SMYD3: variants seen among roughly 807,000 people sequenced by gnomAD.
SMYD3 encodes the protein SET and MYND domain containing 3.
In SMYD3, 36 loss-of-function variants were observed where a neutral mutation model predicts 57.7. That is an observed-to-expected ratio of 0.62 (90% confidence interval 0.48 to 0.82). The LOEUF is 0.82. Among genes scored for constraint, SMYD3 ranks in the 40% least tolerant of loss-of-function variants. The probability of loss-of-function intolerance (pLI) is 0.00; values close to 1 mark genes in which losing one functional copy is unlikely to be tolerated. For synonymous variants in SMYD3, 211 were observed against 195.0 expected, an observed-to-expected ratio of 1.08 and a Z score of -0.68; for missense variants, 515 against 538.8, an observed-to-expected ratio of 0.96 and a Z score of 0.44.
chr1:245,833,494 G>C (rs1343000854), intron 10 of SMYD3, among the ~76,000 whole-genome samples: 1 of 152,038 alleles, frequency 6.6e-6, no homozygotes, highest in African/African-American at 2.4e-5. Flanking sequence ...ACTAAATGGA[G>C]GTATTTTTGT....
intron 5 of SMYD3, among the ~76,000 whole-genome samples, chr1:246,197,734 T>C (rs550036574): frequency 6.6e-6 from 1 of 152,288 alleles, no homozygotes; most frequent in South Asian, 2.1e-4. Flanking sequence ...AGTACCAGTA[T>C]ATCAATATTG....
chr1:245,995,700 G>C lies in SMYD3; in HGVS notation c.532-65763C>G, dbSNP rs188524090. Among the ~76,000 whole-genome samples, 258 of 152,344 alleles carry C rather than the reference G, an allele frequency of 1.7e-3. 5 individuals carry two copies. The highest frequency in any genetic ancestry group is 1.4e-3 in the East Asian group (7 of 5,182). On this transcript the variant is annotated intron_variant, in intron 5 of 11. Coordinates refer to ENST00000490107, the MANE Select transcript of SMYD3 (RefSeq NM_001167740.2). ...ACTAATGCAGCCTGCAGGGCTGACG[G>C]AGCAGGGGCCTAGGCCCCAGTTCTA...
intron 5 of SMYD3, among the ~76,000 whole-genome samples, chr1:246,058,206 G>A (rs1355728036): frequency 6.6e-6 from 1 of 152,130 alleles, no homozygotes. Context: ...AAGAGTGAAC[G>A]CTAACAGAAG....
intron 5 of SMYD3, among the ~76,000 whole-genome samples, chr1:245,934,233 A>G (rs775888273): frequency 6.6e-6 from 1 of 152,182 alleles, no homozygotes; most frequent in Admixed American, 6.6e-5. Flanking sequence ...GTTTTATTAA[A>G]CCCTGGACAG....
At chr1:246,016,197 T>C (rs1218661030) in intron 5 of SMYD3, among the ~76,000 whole-genome samples, 1 of 124,106 alleles carries the variant, frequency 8.1e-6, no homozygotes, top group Non-Finnish European at 1.8e-5. Flanking sequence ...AGCCCAGGAG[T>C]TCAAGGCCAG....
At chr1:246,079,050 T>C (rs2060594910) in intron 5 of SMYD3, among the ~76,000 whole-genome samples, 1 of 152,040 alleles carries the variant, frequency 6.6e-6, no homozygotes, top group Admixed American at 6.6e-5. Context: ...AAAGCAACTT[T>C]ATTAAGAAAG....
At chr1:246,062,330 A>T (rs917098940) in intron 5 of SMYD3, among the ~76,000 whole-genome samples, 6 of 152,186 alleles carry the variant, frequency 3.9e-5, no homozygotes, top group African/African-American at 9.7e-5. Flanking sequence ...TCTGCGAGAA[A>T]AAACATCCAT....
Position 246,235,056 on chromosome 1 carries a change from T to G in SMYD3, c.531+92145A>C, listed in dbSNP as rs116841664. Among the ~76,000 whole-genome samples, 6 of 152,306 alleles carry G rather than the reference T, an allele frequency of 3.9e-5. No individual in the cohort carries two copies. In the East Asian group the frequency reaches 9.7e-4, roughly 25 times the overall value. On this transcript the variant is annotated intron_variant, in intron 5 of 11. Transcript: ENST00000490107. ...AATCACGTTTTACTTTGCATTAGGT[T>G]CCTATGCTCCTAGTATCAAAACTAG...
At chr1:246,370,709 C>T (rs558932626) in intron 1 of SMYD3, among the ~76,000 whole-genome samples, 1 of 152,306 alleles carries the variant, frequency 6.6e-6, no homozygotes, top group East Asian at 1.9e-4. Context: ...AGAAAAGTTT[C>T]TTCTATATCA....
At chr1:245,942,368 C>A (rs1339051236) in intron 5 of SMYD3, among the ~76,000 whole-genome samples, 1 of 152,020 alleles carries the variant, frequency 6.6e-6, no homozygotes, top group Non-Finnish European at 1.5e-5. Flanking sequence ...CAGCAAAGAT[C>A]AAAAAAGACA....
At chr1:246,302,667 G>A (rs913846715) in intron 5 of SMYD3, among the ~76,000 whole-genome samples, 1 of 152,084 alleles carries the variant, frequency 6.6e-6, no homozygotes. Context: ...CATGCTTCAC[G>A]AAGGGGTGGC....
rs149953934 is a variant in SMYD3 at position 245,947,228 on chromosome 1, CT to C, written c.532-17292del. On this transcript the variant is annotated intron_variant, in intron 5 of 11. Transcript: ENST00000490107. ...GCCACAGAGAGAGAGATATTCTCTC[CT>C]AAGGCAGGCTGCAAAGATAAATCGG... Among the ~76,000 whole-genome samples, 729 of 152,270 alleles carry C rather than the reference CT, an allele frequency of 4.8e-3. 4 individuals are homozygous for C. The highest frequency in any genetic ancestry group is 0.017 in the African/African-American group (702 of 41,544).
chr1:245,794,617 T>G (rs979956889), intron 10 of SMYD3, among the ~76,000 whole-genome samples: 1 of 152,264 alleles, frequency 6.6e-6, no homozygotes, highest in Non-Finnish European at 1.5e-5. Flanking sequence ...TTCGTTCTAC[T>G]CTTTCTTAAA....
chr1:245,972,949 C>A (rs927571514), intron 5 of SMYD3, among the ~76,000 whole-genome samples: 1 of 152,208 alleles, frequency 6.6e-6, no homozygotes. Context: ...CCTTTGCCAA[C>A]AGTGTTTTTC....
chr1:245,783,201 A>G (rs1487122092), intron 10 of SMYD3, among the ~76,000 whole-genome samples: 1 of 152,220 alleles, frequency 6.6e-6, no homozygotes, highest in African/African-American at 2.4e-5. Flanking sequence ...AGGCTGAGAT[A>G]TGAGGAGCCT....
chr1:246,118,332 C>T (rs2061373012), intron 5 of SMYD3, among the ~76,000 whole-genome samples: 3 of 152,048 alleles, frequency 2.0e-5, no homozygotes, highest in African/African-American at 7.2e-5. Flanking sequence ...GCAGAAAGTG[C>T]ACCAAATACT....
At chr1:245,765,516 G>C (rs946518007) in intron 10 of SMYD3, among the ~76,000 whole-genome samples, 2 of 152,164 alleles carry the variant, frequency 1.3e-5, no homozygotes, top group Non-Finnish European at 2.9e-5. Flanking sequence ...GCATAACTTA[G>C]TATACCCTAG....
intron 1 of SMYD3, among the ~76,000 whole-genome samples, chr1:246,496,380 T>C (rs1024117160): frequency 2.0e-5 from 3 of 152,184 alleles, no homozygotes; most frequent in Non-Finnish European, 4.4e-5. Flanking sequence ...AACATAAGGA[T>C]GTTTTTAACT....
intron 5 of SMYD3, among the ~76,000 whole-genome samples, chr1:246,008,462 T>G (rs1225644076): frequency 2.0e-5 from 3 of 152,242 alleles, no homozygotes; most frequent in Non-Finnish European, 2.9e-5. Context: ...CCCTCTGGGC[T>G]TCCCCTCCCT....
Sources: allele counts gnomAD v4.1 joint callset (sites outside exome capture counted in the v4.1 genomes callset), GRCh38; gene constraint gnomAD v4.1.1; transcripts MANE v1.5; gene names NCBI Gene and HGNC (gene_info 2026-07-23, HGNC 2026-07-21).